Variants in ZNF486 observed in about 807,000 individuals in gnomAD.
ZNF486 encodes KRAB box only protein 2.
In ZNF486, 12 loss-of-function variants were observed where a neutral mutation model predicts 12.8. That is an observed-to-expected ratio of 0.94 (90% confidence interval 0.60 to 1.52). The LOEUF (loss-of-function observed/expected upper bound fraction) is 1.52. Among genes scored for constraint, ZNF486 ranks in the 40% most tolerant of loss-of-function variants. The pLI is 0.00. For missense variants in ZNF486, 738 were observed against 545.0 expected (o/e 1.35, Z -3.53); for synonymous variants, 231 against 184.9 (o/e 1.25, Z -2.02).
At chr19:20,182,866 G>T (rs997487972) in intron 1 of ZNF486, among the ~76,000 whole-genome samples, 2 of 152,030 alleles carry the variant, frequency 1.3e-5, no homozygotes, top group Non-Finnish European at 2.9e-5. Flanking sequence ...TTTTTCCAGA[G>T]AATCTCATCT....
intron 1 of ZNF486, among the ~76,000 whole-genome samples, chr19:20,182,464 T>G (rs2089797495): frequency 2.0e-5 from 3 of 152,218 alleles, no homozygotes; most frequent in Admixed American, 1.3e-4. Flanking sequence ...CTTATGTTGT[T>G]TTAATGAAGG....
At chr19:20,180,258 G>T (rs552944804) in intron 1 of ZNF486, among the ~76,000 whole-genome samples, 1 of 152,164 alleles carries the variant, frequency 6.6e-6, no homozygotes, top group African/African-American at 2.4e-5. Context: ...TGCCTTTTTT[G>T]GTACCCAGAT....
intron 1 of ZNF486, among the ~76,000 whole-genome samples, chr19:20,174,586 A>C (rs1221120441): frequency 2.0e-5 from 3 of 150,648 alleles, no homozygotes; most frequent in African/African-American, 7.5e-5. Flanking sequence ...GATGGTTGTC[A>C]CCATGTTCGC....
chr19:20,196,011 C>T (rs549766643), intron 3 of ZNF486, among the ~76,000 whole-genome samples: 88 of 152,138 alleles, frequency 5.8e-4, no homozygotes, highest in Non-Finnish European at 1.1e-3. Flanking sequence ...CAGGAGTTGG[C>T]AATTTACATT....
rs782446600 is a variant in ZNF486 at position 20,167,217 on chromosome 19, T to C, written c.-114T>C. 4.4e-6 allele frequency: 6 copies of C among 1,358,430 alleles called. No homozygotes were observed. The highest frequency in any genetic ancestry group is 6.3e-6 in the Non-Finnish European group (6 of 951,686). 84.1% of individuals were successfully genotyped at this position (1,358,430 alleles called of 1,614,324 possible). On this transcript the variant is annotated 5_prime_UTR_variant, in exon 1 of 4. Coordinates refer to ENST00000335117, the MANE Select transcript of ZNF486 (RefSeq NM_052852.4). ...TTCCGGGTTTGGCGCGGCCTTTGTC[T>C]CTCGCTGCATCTGGAGCTCTAGGTC...
In ZNF486 at chr19:20,197,379, A is replaced by G. The variant is rs782733510; in HGVS notation, c.669A>G (p.Ser223=). 6.2e-7 allele frequency: 1 copy of G among 1,613,242 alleles called. No homozygotes were observed. The highest frequency in any genetic ancestry group is 8.5e-7 in the Non-Finnish European group (1 of 1,179,624). ...GTGGCAAAGCCTTCAACCGGTCCTC[A>G]CACCTTACTACACATAAGATAACTC... ...EECGKAFNRS[S]HLTTHKITHT... The change falls in exon 4 of 4, where the codon TCA becomes TCG. Residue 223 remains serine, a synonymous_variant. Coordinates refer to ENST00000335117, the MANE Select transcript of ZNF486 (RefSeq NM_052852.4).
At chr19:20,178,932 C>G (rs781995094) in intron 1 of ZNF486, among the ~76,000 whole-genome samples, 2 of 152,358 alleles carry the variant, frequency 1.3e-5, no homozygotes, top group Non-Finnish European at 2.9e-5. Context: ...AGAATCTCCA[C>G]TTTCACCTTC....
chr19:20,175,485 G>A (rs995750379), intron 1 of ZNF486, among the ~76,000 whole-genome samples: 22 of 151,364 alleles, frequency 1.5e-4, no homozygotes, highest in Admixed American at 3.3e-4. Context: ...GCGGCCTTCC[G>A]CAGTGTTTGT....
rs781832459 is a variant in ZNF486, at chr19:20,197,521, T to G, written c.811T>G (p.Cys271Gly). Reference sequence around the variant, plus strand: ...AGAGAAACCCTACATTTGTGAAGAATGTGGCAAAGCCTTTATGTACCCCTA... The same window carrying G: ...AGAGAAACCCTACATTTGTGAAGAAGGTGGCAAAGCCTTTATGTACCCCTA... Reference protein sequence around the residue: ...SGEKPYICEECGKAFMYPYTL... With the variant: ...SGEKPYICEEGGKAFMYPYTL... The change falls in exon 4 of 4, where the codon TGT becomes GGT. Residue 271 changes from cysteine (C) to glycine (G), a missense_variant. Coordinates refer to ENST00000335117, the MANE Select transcript of ZNF486 (RefSeq NM_052852.4). The G allele has an allele frequency of 3.7e-6, 6 of 1,612,532 alleles. No individual in the cohort carries two copies. The East Asian group carries it at 1.1e-4, about 30-fold the overall frequency.
Position 20,197,379 on chromosome 19 carries a change from A to T in ZNF486, c.669A>T (p.Ser223=). The part of the protein sequence containing the change: ...EECGKAFNRS[S]HLTTHKITHT... ...GTGGCAAAGCCTTCAACCGGTCCTC[A>T]CACCTTACTACACATAAGATAACTC... is the stretch of plus-strand genomic sequence containing the variant. Residue 223 remains serine, a synonymous_variant, in exon 4 of 4, where the codon TCA becomes TCT. Transcript: ENST00000335117. 6.2e-7 allele frequency: 1 copy of T among 1,613,242 alleles called. No homozygotes were observed. The highest frequency in any genetic ancestry group is 8.5e-7 in the Non-Finnish European group (1 of 1,179,624).
At chr19:20,167,400 C>A in intron 1 of ZNF486, 40 bp downstream of exon 1, 1 of 1,606,218 alleles carries the variant, frequency 6.2e-7, no homozygotes, top group Non-Finnish European at 8.5e-7. Context: ...AGGGGAGGGA[C>A]TGGTTGATGG....
chr19:20,186,144 G>T, intron 3 of ZNF486, 62 bp downstream of exon 3: 13 of 1,288,244 alleles, frequency 1.0e-5, no homozygotes, highest in Non-Finnish European at 1.4e-5. Context: ...AGGTCAAAAA[G>T]AAAGCCAGTC....
At chr19:20,195,741 A>C (rs995451597) in intron 3 of ZNF486, among the ~76,000 whole-genome samples, 1 of 152,112 alleles carries the variant, frequency 6.6e-6, no homozygotes, top group Non-Finnish European at 1.5e-5. Flanking sequence ...TTTTGTGTTT[A>C]TTGTTTAGTT....
At chr19:20,177,950 G>A (rs944795488) in intron 1 of ZNF486, among the ~76,000 whole-genome samples, 7 of 128,858 alleles carry the variant, frequency 5.4e-5, no homozygotes, top group African/African-American at 1.4e-4. Context: ...TTTTTGAGAC[G>A]AAGTCTCTCA....
chr19:20,193,923 A>T (rs140321911), intron 3 of ZNF486, among the ~76,000 whole-genome samples: 6 of 152,278 alleles, frequency 3.9e-5, no homozygotes, highest in Admixed American at 3.9e-4. Flanking sequence ...TAAAAGATCC[A>T]ACAATATATT....
intron 1 of ZNF486, chr19:20,176,913 G>A (rs2089724848): frequency 6.6e-6 from 1 of 152,242 alleles, no homozygotes; most frequent in Non-Finnish European, 1.5e-5. Context: ...AACTTTTGGA[G>A]CTATCTCTAT....
At chr19:20,170,067 A>G in intron 1 of ZNF486, among the ~76,000 whole-genome samples, 1 of 150,730 alleles carries the variant, frequency 6.6e-6, no homozygotes, top group East Asian at 2.0e-4. Flanking sequence ...ATTTTTTTGT[A>G]TTTTTAGTAG....
intron 1 of ZNF486, 108 bp from the exon 2 acceptor site, chr19:20,184,248 T>A: frequency 6.7e-7 from 1 of 1,496,594 alleles, no homozygotes. Flanking sequence ...ATAATTTTAG[T>A]CAATCCTATA....
chr19:20,178,880 A>G (rs2089753248), intron 1 of ZNF486, among the ~76,000 whole-genome samples: 1 of 152,228 alleles, frequency 6.6e-6, no homozygotes, highest in African/African-American at 2.4e-5. Flanking sequence ...CCACAAACCC[A>G]GTTAGAGTAA....
Sources: gnomAD v4.1 joint callset for allele counts (sites outside exome capture counted in the v4.1 genomes callset) on GRCh38, gnomAD v4.1.1 for gene constraint, MANE v1.5 for transcripts, NCBI Gene and HGNC (gene_info 2026-07-23, HGNC 2026-07-21) for gene names.